FH: variants seen among roughly 807,000 people sequenced by gnomAD.
FH encodes fumarate hydratase.
Under a neutral mutation model 49.4 loss-of-function variants are expected in FH, and 22 were observed. The observed-to-expected ratio is 0.45, with a 90% confidence interval of 0.32 to 0.64. The LOEUF (loss-of-function observed/expected upper bound fraction) is 0.64, where lower values mean the gene tolerates loss of function less well. FH is among the 30% of genes least tolerant of loss of function. The probability of loss-of-function intolerance (pLI) is 0.05; values close to 1 mark genes in which losing one functional copy is unlikely to be tolerated. For missense variants in FH, 526 were observed against 641.5 expected (o/e 0.82, Z 1.95); for synonymous variants, 208 against 223.0 (o/e 0.93, Z 0.60).
At chr1:241,504,429 A>G (rs185874443) in intron 6 of FH, among the ~76,000 whole-genome samples, 184 bp from the exon 7 acceptor site, 121 of 152,266 alleles carry the variant, frequency 7.9e-4, no homozygotes, top group African/African-American at 2.8e-3. Flanking sequence ...GAGTAGAAAG[A>G]ATCTGGTATT....
At position 241,519,618 on chromosome 1, in the gene FH, C is replaced by T. The variant is rs181655698; in HGVS notation, c.105G>A (p.Ser35=). Reference sequence around the variant, plus strand: ...TTCGAGCCGCGTTCGGAGGCCAAAACGAGGGCACGGCCGCGCCACCCAAGC... The same window carrying T: ...TTCGAGCCGCGTTCGGAGGCCAAAATGAGGGCACGGCCGCGCCACCCAAGC... ...APGLGGAAVP[S]FWPPNAARMA... is the part of the protein sequence containing the mutation. The change falls in exon 1 of 10, where the codon TCG becomes TCA. Residue 35 remains serine (S), a synonymous_variant. Coordinates refer to ENST00000366560, the MANE Select transcript of FH (RefSeq NM_000143.4). 6.2e-4 allele frequency: 965 copies of T among 1,547,768 alleles called. 4 individuals are homozygous for T. In the African/African-American group the frequency reaches 0.012, roughly 19 times the overall value.
intron 4 of FH, among the ~76,000 whole-genome samples, chr1:241,509,829 GCACA>G (rs1660037949): frequency 7.4e-6 from 1 of 135,504 alleles, no homozygotes; most frequent in Non-Finnish European, 1.6e-5. Context: ...ACACACGCAT[GCACA>G]CACACAGATA....
chr1:241,507,433 C>G (rs1453896207), intron 5 of FH, among the ~76,000 whole-genome samples: 1 of 152,088 alleles, frequency 6.6e-6, no homozygotes, highest in African/African-American at 2.4e-5. Context: ...TGTATACACA[C>G]ACACACAAAC....
chr1:241,509,632 C>T (rs989352456), intron 4 of FH, among the ~76,000 whole-genome samples: 6 of 152,114 alleles, frequency 3.9e-5, no homozygotes, highest in Non-Finnish European at 7.3e-5. Flanking sequence ...TAAAGTTAGC[C>T]AGGCATGGCG....
intron 1 of FH, among the ~76,000 whole-genome samples, chr1:241,517,766 T>C (rs1660259562): frequency 2.0e-5 from 3 of 152,072 alleles, no homozygotes; most frequent in Admixed American, 2.0e-4. Context: ...TGTATATTCA[T>C]TTATATAAGA....
intron 2 of FH, among the ~76,000 whole-genome samples, chr1:241,516,207 T>C (rs1267052486): frequency 6.6e-6 from 1 of 152,170 alleles, no homozygotes; most frequent in Non-Finnish European, 1.5e-5. Context: ...CATTTAGTTC[T>C]GCCAAATAAA....
intron 3 of FH, among the ~76,000 whole-genome samples, chr1:241,512,910 G>GGT (rs10548903): frequency 0.12 from 18,199 of 148,310 alleles, 1,319 homozygotes; most frequent in African/African-American, 0.21. Flanking sequence ...ATGCAATGAG[G>GGT]GTGTGTGTGT....
At chr1:241,513,456 C>A in intron 3 of FH, 147 bp downstream of exon 3, 1 of 724,884 alleles carries the variant, frequency 1.4e-6, no homozygotes, top group Non-Finnish European at 2.5e-6. Flanking sequence ...ATATTAATAT[C>A]ACCACTAAAA....
intron 4 of FH, among the ~76,000 whole-genome samples, chr1:241,509,781 AC>A (rs1660034065): frequency 1.3e-4 from 1 of 7,978 alleles, no homozygotes; most frequent in East Asian, 9.0e-4. Context: ...ATCTCTAAAC[AC>A]ACACACACAC....
At chr1:241,507,805 T>C (rs1277769682) in intron 5 of FH, among the ~76,000 whole-genome samples, 1 of 152,186 alleles carries the variant, frequency 6.6e-6, no homozygotes, top group Admixed American at 6.5e-5. Flanking sequence ...GTGAGTTCAA[T>C]TTAGTCCCAT....
chr1:241,500,313 T>C, intron 9 of FH, 124 bp downstream of exon 9: 1 of 925,756 alleles, frequency 1.1e-6, no homozygotes, highest in Non-Finnish European at 1.7e-6. Flanking sequence ...TATTTTGAGA[T>C]TTTACTAAAA....
intron 2 of FH, among the ~76,000 whole-genome samples, chr1:241,516,657 A>AT (rs1660219166): frequency 2.2e-5 from 2 of 89,152 alleles, no homozygotes; most frequent in East Asian, 5.7e-4. Context: ...AAATTAAATT[A>AT]ATTTTTTTTT....
At chr1:241,500,850 GCC>G (rs992105431) in intron 8 of FH, among the ~76,000 whole-genome samples, 2 of 152,056 alleles carry the variant, frequency 1.3e-5, no homozygotes, top group Admixed American at 6.6e-5. Flanking sequence ...ACACAAAATA[GCC>G]CATAGCAAGT....
chr1:241,504,313 G>T, intron 6 of FH, 68 bp from the exon 7 acceptor site: 1 of 1,441,800 alleles, frequency 6.9e-7, no homozygotes, highest in Non-Finnish European at 9.7e-7. Context: ...CCATTAGCAA[G>T]TGAAACAGAA....
chr1:241,517,153 T>G, intron 2 of FH, 29 bp downstream of exon 2: 1 of 1,614,022 alleles, frequency 6.2e-7, no homozygotes, highest in South Asian at 1.1e-5. Context: ...TCATCCAAAA[T>G]AGCCAACATT....
At chr1:241,499,510 T>C (rs545028666) in intron 9 of FH, among the ~76,000 whole-genome samples, 7 of 152,280 alleles carry the variant, frequency 4.6e-5, no homozygotes, top group African/African-American at 1.7e-4. Context: ...AAAACTGATA[T>C]CATACTGGGC....
intron 8 of FH, 144 bp downstream of exon 8, chr1:241,502,299 G>C (rs1659800721): frequency 1.1e-6 from 1 of 870,056 alleles, no homozygotes; most frequent in Non-Finnish European, 1.8e-6. Flanking sequence ...GATTATTCTG[G>C]TAACTTAATA....
chr1:241,509,824 C>T (rs895631508), intron 4 of FH, among the ~76,000 whole-genome samples: 5 of 142,622 alleles, frequency 3.5e-5, no homozygotes, highest in South Asian at 2.3e-4. Context: ...CACACACACA[C>T]GCATGCACAC....
chr1:241,514,972 G>A (rs1263856734), intron 2 of FH, among the ~76,000 whole-genome samples: 1 of 152,108 alleles, frequency 6.6e-6, no homozygotes, highest in African/African-American at 2.4e-5. Context: ...GACCCCCAGT[G>A]TTTATGGACC....
Sources: allele counts gnomAD v4.1 joint callset (sites outside exome capture counted in the v4.1 genomes callset), GRCh38; gene constraint gnomAD v4.1.1; transcripts MANE v1.5; gene names NCBI Gene and HGNC (gene_info 2026-07-23, HGNC 2026-07-21).